OTUD7A: variants seen among roughly 807,000 people sequenced by gnomAD.
OTUD7A encodes OTU deubiquitinase 7A, also known as OTU domain-containing protein 7A.
In OTUD7A, 12 loss-of-function variants were observed where a neutral mutation model predicts 65.7. That is an observed-to-expected ratio of 0.18 (90% CI 0.12 to 0.30). The LOEUF is 0.30. Among genes scored for constraint, OTUD7A ranks in the 10% least tolerant of loss-of-function variants. OTUD7A has a pLI of 1.00. For missense variants in OTUD7A, 1,148 were observed against 1,304.8 expected (o/e 0.88, Z 1.85); for synonymous variants, 641 against 586.3 (o/e 1.09, Z -1.35).
At chr15:31,607,889 A>G (rs1293079097) in intron 3 of OTUD7A, among the ~76,000 whole-genome samples, 2 of 152,210 alleles carry the variant, frequency 1.3e-5, no homozygotes, top group Non-Finnish European at 2.9e-5. Context: ...ATTTCTTAGA[A>G]TGTATCTCAT....
At chr15:31,849,351 T>G (rs1287933926) in intron 1 of OTUD7A, among the ~76,000 whole-genome samples, 2 of 152,230 alleles carry the variant, frequency 1.3e-5, no homozygotes, top group African/African-American at 2.4e-5. Flanking sequence ...GCTAGCCATA[T>G]GTAGAAAGCT....
chr15:31,715,637 A>C, intron 1 of OTUD7A, among the ~76,000 whole-genome samples: 1 of 136,578 alleles, frequency 7.3e-6, no homozygotes, highest in Non-Finnish European at 1.6e-5. Flanking sequence ...TGGAGAATTT[A>C]AGTTCTGGGA....
rs1378743570 is a variant in OTUD7A, at chr15:31,826,176, C to T, written c.-100+44331G>A. Among the ~76,000 whole-genome samples, 4 of 152,244 alleles carry T rather than the reference C, an allele frequency of 2.6e-5. No individual in the cohort carries two copies. In the East Asian group the frequency reaches 7.7e-4, roughly 29 times the overall value. On this transcript the variant is annotated intron_variant, in intron 1 of 12. Transcript: ENST00000307050. ...GTGTGGGGCTCCGACCCCACATTTCCCTATGCACTGCCCTAGCAGAAGTTC... is the reference window on the plus strand; with the variant it reads ...GTGTGGGGCTCCGACCCCACATTTCTCTATGCACTGCCCTAGCAGAAGTTC...
At chr15:31,694,929 T>C (rs755457241) in intron 1 of OTUD7A, among the ~76,000 whole-genome samples, 5 of 151,920 alleles carry the variant, frequency 3.3e-5, no homozygotes, top group Admixed American at 6.6e-5. Context: ...CACTGCAAGC[T>C]CCGCCTGCTG....
intron 1 of OTUD7A, among the ~76,000 whole-genome samples, chr15:31,670,229 G>T (rs1326361612): frequency 1.3e-5 from 2 of 151,768 alleles, no homozygotes; most frequent in Non-Finnish European, 2.9e-5. Context: ...TGTGAATACT[G>T]CTGAAATGAA....
Position 31,671,044 on chromosome 15 carries a change from C to T in OTUD7A, c.-99-13967G>A, listed in dbSNP as rs181611143. Among the ~76,000 whole-genome samples the T allele has an allele frequency of 1.4e-4, 22 of 152,190 alleles. No homozygotes were observed. In the East Asian group the frequency reaches 4.1e-3, roughly 28 times the overall value. On this transcript the variant is annotated intron_variant, in intron 1 of 12. Transcript: ENST00000307050. ...TTCTGTAGGCTGTCTGTTCACCTGA[C>T]AACAGCTTCCTTTGCTGTGCAGAAG...
chr15:31,821,361 G>A (rs961719919), intron 1 of OTUD7A, among the ~76,000 whole-genome samples: 12 of 142,968 alleles, frequency 8.4e-5, no homozygotes, highest in Non-Finnish European at 1.3e-4. Context: ...GGCCATGATG[G>A]TCTCAATCTC....
chr15:31,724,506 C>T (rs997114948), intron 1 of OTUD7A, among the ~76,000 whole-genome samples: 4 of 152,142 alleles, frequency 2.6e-5, no homozygotes, highest in African/African-American at 9.7e-5. Context: ...ATTTGAAATA[C>T]CACATTTATC....
chr15:31,775,089 T>TAC (rs3046535), intron 1 of OTUD7A, among the ~76,000 whole-genome samples: 3,327 of 148,070 alleles, frequency 0.022, 103 homozygotes, highest in African/African-American at 0.069. Context: ...TCCATGCATT[T>TAC]ACACACACAC....
intron 1 of OTUD7A, among the ~76,000 whole-genome samples, chr15:31,777,308 T>C (rs534913362): frequency 6.6e-6 from 1 of 152,168 alleles, no homozygotes; most frequent in Non-Finnish European, 1.5e-5. Context: ...CCCAATCCCA[T>C]CACCTTGGGG....
intron 1 of OTUD7A, among the ~76,000 whole-genome samples, chr15:31,672,582 C>T (rs1005697742): frequency 3.5e-4 from 53 of 152,122 alleles, no homozygotes; most frequent in African/African-American, 1.2e-3. Context: ...TACTAAAGCC[C>T]AGAGTGCCCA....
At chr15:31,533,214 G>C (rs946313941) in intron 5 of OTUD7A, among the ~76,000 whole-genome samples, 2 of 151,526 alleles carry the variant, frequency 1.3e-5, no homozygotes, top group African/African-American at 4.9e-5. Context: ...TACCGTGTAG[G>C]CCAGAAGGAA....
At position 31,680,893 on chromosome 15, in the gene OTUD7A, G is replaced by A. The variant is rs1055437164; in HGVS notation, c.-99-23816C>T. 2.1e-4 allele frequency among the ~76,000 whole-genome samples: 32 copies of A among 151,230 alleles called. 1 individual carries two copies. Among genetic ancestry groups the A allele is most frequent in the African/African-American group, 7.6e-4 (31 of 40,558 alleles). ...TGAGGTTTTGCCATTCTCTTCAAGT[G>A]TGGTCTTTAGGAAGTCACTAAACCC... On this transcript the variant is annotated intron_variant, in intron 1 of 12. Transcript: ENST00000307050.
intron 1 of OTUD7A, among the ~76,000 whole-genome samples, chr15:31,719,651 C>A (rs1289594397): frequency 2.0e-5 from 3 of 152,102 alleles, no homozygotes; most frequent in African/African-American, 7.2e-5. Flanking sequence ...ACGCTGACTT[C>A]TGGTTTTCAA....
chr15:31,765,998 C>T, intron 1 of OTUD7A: 2 of 1,547,230 alleles, frequency 1.3e-6, no homozygotes, highest in Non-Finnish European at 8.9e-7. Flanking sequence ...CATCAAACTC[C>T]TGAGCACTAA....
At chr15:31,642,710 A>C (rs2141263796) in intron 3 of OTUD7A, among the ~76,000 whole-genome samples, 1 of 151,934 alleles carries the variant, frequency 6.6e-6, no homozygotes, top group South Asian at 2.1e-4. Flanking sequence ...AATCCTTTTA[A>C]TATCTTGAGA....
chr15:31,524,540 C>G (rs1216317228), intron 8 of OTUD7A, among the ~76,000 whole-genome samples: 1 of 151,874 alleles, frequency 6.6e-6, no homozygotes, highest in East Asian at 1.9e-4. Context: ...CCCACCCCAC[C>G]CCACCTGTGC....
At chr15:31,795,256 G>C (rs1489567967) in intron 1 of OTUD7A, among the ~76,000 whole-genome samples, 1 of 152,214 alleles carries the variant, frequency 6.6e-6, no homozygotes. Context: ...CTCCCAGTCA[G>C]TGGGAATCAC....
chr15:31,623,402 G>T (rs1425114904), intron 3 of OTUD7A, among the ~76,000 whole-genome samples: 1 of 152,242 alleles, frequency 6.6e-6, no homozygotes, highest in Non-Finnish European at 1.5e-5. Context: ...TTGAGCTGCA[G>T]TGGGCTCCAC....
Sources: allele counts gnomAD v4.1 joint callset (sites outside exome capture counted in the v4.1 genomes callset), GRCh38; gene constraint gnomAD v4.1.1; transcripts MANE v1.5; gene names NCBI Gene and HGNC (gene_info 2026-07-23, HGNC 2026-07-21).